ZNF451: variants seen among roughly 807,000 people sequenced by gnomAD.
ZNF451 encodes E3 SUMO-protein ligase ZNF451.
In ZNF451, 80 loss-of-function variants were observed where a neutral mutation model predicts 107.1. The ratio of observed to expected loss-of-function variants is 0.75; its 90% CI spans 0.62 to 0.90. ZNF451 has a LOEUF of 0.90. Ranked by LOEUF, ZNF451 falls within the 40% of genes least tolerant of loss-of-function variation. The pLI, the probability that ZNF451 is intolerant of heterozygous loss-of-function variation, is 0.00. For missense variants in ZNF451, 1,107 were observed against 1,236.2 expected (o/e 0.90, Z 1.57); for synonymous variants, 362 against 406.5 (o/e 0.89, Z 1.32).
At chr6:57,123,124 T>C (rs959964741) in intron 3 of ZNF451, among the ~76,000 whole-genome samples, 1 of 152,162 alleles carries the variant, frequency 6.6e-6, no homozygotes, top group Non-Finnish European at 1.5e-5. Context: ...GTCATGATTG[T>C]GTCACAGCAC....
chr6:57,111,882 GTA>G (rs1167313824), intron 3 of ZNF451, among the ~76,000 whole-genome samples: 1 of 152,172 alleles, frequency 6.6e-6, no homozygotes, highest in African/African-American at 2.4e-5. Flanking sequence ...ACAGAATGGA[GTA>G]TATCTATATG....
intron 3 of ZNF451, chr6:57,108,501 A>G (rs1829971609): frequency 1.0e-6 from 1 of 985,212 alleles, no homozygotes; most frequent in Non-Finnish European, 1.2e-6. Flanking sequence ...CCAAGTCACT[A>G]AACACAGTTT....
intron 2 of ZNF451, among the ~76,000 whole-genome samples, chr6:57,094,141 C>G (rs1167461176): frequency 1.3e-5 from 2 of 152,112 alleles, no homozygotes; most frequent in African/African-American, 4.8e-5. Flanking sequence ...TCAGTTTTCT[C>G]ATAACAGGAA....
intron 7 of ZNF451, among the ~76,000 whole-genome samples, chr6:57,141,099 G>GA (rs968627264): frequency 6.6e-6 from 1 of 151,620 alleles, no homozygotes; most frequent in African/African-American, 2.4e-5. Flanking sequence ...TGGTTTTGAG[G>GA]AAAAAAAACT....
At chr6:57,129,336 A>G (rs1831074930) in intron 5 of ZNF451, among the ~76,000 whole-genome samples, 1 of 152,176 alleles carries the variant, frequency 6.6e-6, no homozygotes, top group Non-Finnish European at 1.5e-5. Context: ...CAGATCTGAG[A>G]TTCCTTGAAG....
chr6:57,096,767 CTTTTTTTTT>C (rs772840052), intron 2 of ZNF451, among the ~76,000 whole-genome samples: 8 of 79,952 alleles, frequency 1.0e-4, no homozygotes, highest in Non-Finnish European at 1.8e-4. Context: ...AATTTTCAGT[CTTTTTTTTT>C]TTTTTTTTTT....
At chr6:57,155,253 A>G (rs574582554) in intron 13 of ZNF451, among the ~76,000 whole-genome samples, 2 of 152,176 alleles carry the variant, frequency 1.3e-5, no homozygotes, top group Non-Finnish European at 2.9e-5. Context: ...TGGGAGGCTG[A>G]GGTGGGTGGA....
At chr6:57,101,799 T>C (rs1261259957) in intron 3 of ZNF451, 1 of 1,550,556 alleles carries the variant, frequency 6.4e-7, no homozygotes, top group South Asian at 1.2e-5. Flanking sequence ...AGGCCTGGCT[T>C]CGACTTACAT....
intron 3 of ZNF451, among the ~76,000 whole-genome samples, chr6:57,120,991 T>C (rs557684664): frequency 3.9e-5 from 6 of 152,358 alleles, no homozygotes; most frequent in Non-Finnish European, 8.8e-5. Flanking sequence ...TCCTATGTTA[T>C]CTTTTAGGAG....
At chr6:57,110,861 G>A (rs990437398) in intron 3 of ZNF451, among the ~76,000 whole-genome samples, 3 of 148,820 alleles carry the variant, frequency 2.0e-5, no homozygotes, top group Admixed American at 6.7e-5. Flanking sequence ...CTTCGTATTC[G>A]TTTTTTAAGT....
intron 14 of ZNF451, among the ~76,000 whole-genome samples, chr6:57,166,822 A>G (rs1763920307): frequency 6.6e-6 from 1 of 152,218 alleles, no homozygotes; most frequent in Non-Finnish European, 1.5e-5. Context: ...CAACATGAAG[A>G]TGGCTATGAC....
At position 57,134,730 on chromosome 6, in the gene ZNF451, CTT is replaced by C; in HGVS notation, c.576-11_576-10del. On this transcript the variant is annotated splice_polypyrimidine_tract_variant and intron_variant, in intron 6 of 14. Transcript: ENST00000370706. ...ATTTATCTAATATTACCTCTTACCT[CTT>C]TTGCTGAGTAGGTTCGATCACTCTC... The C allele has an allele frequency of 6.2e-7, 1 of 1,608,250 alleles. No homozygotes were observed. The highest frequency in any genetic ancestry group is 8.5e-7 in the Non-Finnish European group (1 of 1,178,016).
chr6:57,125,155 T>C (rs2127960204), intron 4 of ZNF451, among the ~76,000 whole-genome samples: 1 of 152,304 alleles, frequency 6.6e-6, no homozygotes, highest in South Asian at 2.1e-4. Context: ...TTCTGGTTAT[T>C]TTATCATACG....
chr6:57,105,981 A>G (rs760742248), intron 3 of ZNF451: 3 of 983,412 alleles, frequency 3.1e-6, no homozygotes, highest in Non-Finnish European at 3.6e-6. Context: ...TGAAGGGAGC[A>G]TAAACTCTTT....
In ZNF451 at chr6:57,168,635, G is replaced by A. The variant is rs137857003; in HGVS notation, c.*166G>A. 8.3e-3 allele frequency: 5,241 copies of A among 634,220 alleles called. 37 individuals are homozygous for A. The highest frequency in any genetic ancestry group is 0.044 in the Middle Eastern group (170 of 3,880). 39.3% of individuals were successfully genotyped at this position (634,220 alleles called of 1,614,324 possible). A position where few individuals can be genotyped will look rare whatever the true frequency, so the allele number is the denominator to read the frequency against. ...TCTGATCTTTGTTTTGTATTTTTGT[G>A]CTAATGTGCAAACATGTACAGAAGA... On this transcript the variant is annotated 3_prime_UTR_variant, in exon 15 of 15. Transcript: ENST00000370706.
At chr6:57,106,328 T>G (rs1829854265) in intron 3 of ZNF451, 3 of 851,030 alleles carry the variant, frequency 3.5e-6, no homozygotes, top group Non-Finnish European at 4.2e-6. Flanking sequence ...TTTTTTTTTT[T>G]GAGACAGTTT....
At chr6:57,091,666 G>A (rs1170283104) in intron 2 of ZNF451, among the ~76,000 whole-genome samples, 3 of 152,214 alleles carry the variant, frequency 2.0e-5, no homozygotes, top group Admixed American at 1.3e-4. Flanking sequence ...GTTTTAGAAA[G>A]GCTTTGCGTA....
At chr6:57,103,996 G>C in intron 3 of ZNF451, 1 of 985,280 alleles carries the variant, frequency 1.0e-6, no homozygotes, top group Non-Finnish European at 1.2e-6. Flanking sequence ...GATCTTGTTT[G>C]TCCTATTTGT....
chr6:57,096,545 A>T (rs1010406879), intron 2 of ZNF451, among the ~76,000 whole-genome samples: 10 of 121,052 alleles, frequency 8.3e-5, no homozygotes, highest in Non-Finnish European at 1.6e-4. Flanking sequence ...GTCATCTTTC[A>T]TCTTCTTCTT....
Sources: gnomAD v4.1 joint callset for allele counts (sites outside exome capture counted in the v4.1 genomes callset) on GRCh38, gnomAD v4.1.1 for gene constraint, MANE v1.5 for transcripts, NCBI Gene and HGNC (gene_info 2026-07-23, HGNC 2026-07-21) for gene names.